The following RAP1GDS1 variants were observed in gnomAD, a reference collection of about 807,000 sequenced individuals.
RAP1GDS1 encodes the protein Rap1 GTPase-GDP dissociation stimulator 1, also known as RAP1, GTP-GDP dissociation stimulator 1.
Under a neutral mutation model 71.1 loss-of-function variants are expected in RAP1GDS1, and 35 were observed. The observed-to-expected ratio is 0.49, with a 90% CI of 0.38 to 0.65. RAP1GDS1 has a LOEUF of 0.65. Among genes scored for constraint, RAP1GDS1 ranks in the 30% least tolerant of loss-of-function variants. The probability of loss-of-function intolerance (pLI) is 0.00; values close to 1 mark genes in which losing one functional copy is unlikely to be tolerated. For missense variants in RAP1GDS1, 663 were observed against 706.1 expected (o/e 0.94, Z 0.69); for synonymous variants, 229 against 243.1 (o/e 0.94, Z 0.54).
intron 2 of RAP1GDS1, among the ~76,000 whole-genome samples, chr4:98,320,714 T>C (rs1402945178): frequency 6.6e-6 from 1 of 151,502 alleles, no homozygotes; most frequent in Non-Finnish European, 1.5e-5. Flanking sequence ...GAGGGACCTG[T>C]CTGTTAGAAG....
intron 12 of RAP1GDS1, among the ~76,000 whole-genome samples, chr4:98,431,555 A>G (rs887485386): frequency 1.3e-5 from 2 of 152,220 alleles, no homozygotes; most frequent in African/African-American, 2.4e-5. Flanking sequence ...AAGCATCTCC[A>G]GAATTTTTAA....
rs548882777 is a variant in RAP1GDS1 at position 98,297,380 on chromosome 4, T to G, written c.112+3865T>G. ...TTACTTTATTGAGCTTCACAAATAC[T>G]GTATTTTTTACAAATTGAAGGTTTA... On this transcript the variant is annotated intron_variant, in intron 2 of 14. Transcript: ENST00000408927. 2.6e-5 allele frequency among the ~76,000 whole-genome samples: 4 copies of G among 152,336 alleles called. No individual in the cohort carries two copies. In the East Asian group the frequency reaches 7.7e-4, roughly 29 times the overall value.
At chr4:98,329,346 A>T (rs1300393476) in intron 2 of RAP1GDS1, among the ~76,000 whole-genome samples, 23 of 152,242 alleles carry the variant, frequency 1.5e-4, no homozygotes, top group Admixed American at 1.5e-3. Flanking sequence ...TATAAAAGTC[A>T]TGGAAACATT....
At chr4:98,441,408 G>A (rs1751852221) in intron 14 of RAP1GDS1, 1 of 984,656 alleles carries the variant, frequency 1.0e-6, no homozygotes, top group African/African-American at 1.7e-5. Context: ...AGGATATGAA[G>A]TATAAACTTT....
chr4:98,391,715 A>C (rs1334789176), intron 5 of RAP1GDS1, among the ~76,000 whole-genome samples: 1 of 152,168 alleles, frequency 6.6e-6, no homozygotes, highest in Non-Finnish European at 1.5e-5. Context: ...TATAGTCTTC[A>C]AACTATTTTT....
intron 2 of RAP1GDS1, among the ~76,000 whole-genome samples, chr4:98,296,051 A>AACG (rs994078998): frequency 2.6e-5 from 4 of 151,884 alleles, no homozygotes; most frequent in African/African-American, 7.3e-5. Context: ...CAACAACAAC[A>AACG]ACAACAAAAA....
chr4:98,398,684 TAC>T (rs1439620919), intron 6 of RAP1GDS1, among the ~76,000 whole-genome samples: 2 of 152,142 alleles, frequency 1.3e-5, no homozygotes, highest in African/African-American at 4.8e-5. Flanking sequence ...AAGAAAAACC[TAC>T]AGACTCCACC....
intron 5 of RAP1GDS1, among the ~76,000 whole-genome samples, chr4:98,380,391 A>G (rs1468170775): frequency 2.0e-5 from 3 of 151,838 alleles, no homozygotes; most frequent in Non-Finnish European, 2.9e-5. Flanking sequence ...AACAGAAAGT[A>G]TCTTCAGGCC....
chr4:98,324,411 A>G (rs1392699245), intron 2 of RAP1GDS1, among the ~76,000 whole-genome samples: 1 of 152,050 alleles, frequency 6.6e-6, no homozygotes, highest in Non-Finnish European at 1.5e-5. Context: ...ACAGAATTGG[A>G]AAAAACTACT....
At chr4:98,380,167 G>A (rs1741789437) in intron 5 of RAP1GDS1, among the ~76,000 whole-genome samples, 1 of 151,550 alleles carries the variant, frequency 6.6e-6, no homozygotes, top group Non-Finnish European at 1.5e-5. Context: ...GAATGGTGGG[G>A]ACTGTGGTAA....
intron 7 of RAP1GDS1, among the ~76,000 whole-genome samples, chr4:98,406,120 A>T (rs1746078106): frequency 6.6e-6 from 1 of 152,012 alleles, no homozygotes; most frequent in Admixed American, 6.6e-5. Flanking sequence ...TTAATACCCT[A>T]GTAATGCAAA....
chr4:98,390,728 A>G (rs928147735), intron 5 of RAP1GDS1, among the ~76,000 whole-genome samples: 2 of 152,140 alleles, frequency 1.3e-5, no homozygotes, highest in African/African-American at 2.4e-5. Flanking sequence ...TTATCTATAG[A>G]TTAAGAACTA....
intron 7 of RAP1GDS1, among the ~76,000 whole-genome samples, chr4:98,409,071 ACT>A (rs1384835367): frequency 2.0e-5 from 3 of 152,006 alleles, no homozygotes; most frequent in Non-Finnish European, 4.4e-5. Flanking sequence ...AAGCAATAAA[ACT>A]CTCATTCATT....
At chr4:98,307,491 G>A (rs956819575) in intron 2 of RAP1GDS1, among the ~76,000 whole-genome samples, 1 of 152,030 alleles carries the variant, frequency 6.6e-6, no homozygotes, top group Admixed American at 6.6e-5. Flanking sequence ...TCAATATTTT[G>A]TCTGCCAATC....
chr4:98,328,677 C>T (rs556541004), intron 2 of RAP1GDS1, among the ~76,000 whole-genome samples: 13 of 152,098 alleles, frequency 8.5e-5, no homozygotes, highest in Middle Eastern at 3.4e-3. Flanking sequence ...GTATAGTCAT[C>T]GTGATTTATT....
intron 9 of RAP1GDS1, among the ~76,000 whole-genome samples, chr4:98,417,951 G>T (rs895218737): frequency 6.6e-6 from 1 of 152,054 alleles, no homozygotes; most frequent in Non-Finnish European, 1.5e-5. Context: ...TTCAGGGGGC[G>T]CCAGACTTCT....
intron 7 of RAP1GDS1, among the ~76,000 whole-genome samples, chr4:98,413,249 T>C (rs940897028): frequency 1.3e-5 from 2 of 152,054 alleles, no homozygotes; most frequent in Admixed American, 1.3e-4. Flanking sequence ...CTTTAAGTTT[T>C]AGGGTACATG....
intron 2 of RAP1GDS1, among the ~76,000 whole-genome samples, chr4:98,294,455 T>C (rs1460897316): frequency 9.2e-5 from 14 of 152,104 alleles, no homozygotes; most frequent in Admixed American, 7.2e-4. Flanking sequence ...CTTTTAAAAT[T>C]ATTTTTCAGT....
chr4:98,292,115 GA>G (rs1727040088), intron 1 of RAP1GDS1, among the ~76,000 whole-genome samples: 1 of 150,096 alleles, frequency 6.7e-6, no homozygotes, highest in South Asian at 2.1e-4. Flanking sequence ...ACATTATGGA[GA>G]TTTTTTTTTT....
Sources: gnomAD v4.1 joint callset for allele counts (sites outside exome capture counted in the v4.1 genomes callset) on GRCh38, gnomAD v4.1.1 for gene constraint, MANE v1.5 for transcripts, NCBI Gene and HGNC (gene_info 2026-07-23, HGNC 2026-07-21) for gene names.